Variants in TPM1 observed in about 807,000 individuals in gnomAD.
The protein encoded by TPM1 is tropomyosin alpha-1 chain.
A neutral mutation model predicts 42.9 loss-of-function variants in TPM1; 24 were observed. The observed-to-expected ratio is 0.56, with a 90% CI of 0.41 to 0.79. The LOEUF (loss-of-function observed/expected upper bound fraction) is 0.79. TPM1 is among the 30% of genes least tolerant of loss of function. The probability of loss-of-function intolerance (pLI) is 0.00; values close to 1 mark genes in which losing one functional copy is unlikely to be tolerated. For missense variants in TPM1, 158 were observed against 351.8 expected, an observed-to-expected ratio of 0.45 and a Z score of 4.41; for synonymous variants, 136 against 130.1, an observed-to-expected ratio of 1.05 and a Z score of -0.31.
chr15:63,067,571 A>T (rs2036349164), downstream of TPM1, among the ~76,000 whole-genome samples: 1 of 152,234 alleles, frequency 6.6e-6, no homozygotes, highest in Non-Finnish European at 1.5e-5. Context: ...ATCCTTCCAG[A>T]GACTTTCGCA....
intron 2 of TPM1, among the ~76,000 whole-genome samples, chr15:63,050,410 G>T (rs1010096459): frequency 2.6e-5 from 4 of 152,242 alleles, no homozygotes; most frequent in African/African-American, 9.6e-5. Context: ...TGCTAAGAAA[G>T]AGTATGTGTG....
chr15:63,057,742 T>C (rs1384298191), intron 3 of TPM1, among the ~76,000 whole-genome samples: 1 of 152,216 alleles, frequency 6.6e-6, no homozygotes. Context: ...TTTGTGGTAG[T>C]AAAGGAAAGC....
At chr15:63,069,973 T>G (rs141403692), downstream of TPM1, 1,083 of 1,613,716 alleles carry the variant, frequency 6.7e-4, 18 homozygotes, top group East Asian at 0.017. Flanking sequence ...TGGGCTGAAT[T>G]CTAGGCGTGG....
rs1452325949 is a variant in TPM1, at chr15:63,045,765, G to A, written c.240+1613G>A. ...TTGAAGGGAGCGCTGGAATGGGGTGGGGCAGAAATGGGAAAGAAGTTATTT... is the reference window on the plus strand; with the variant it reads ...TTGAAGGGAGCGCTGGAATGGGGTGAGGCAGAAATGGGAAAGAAGTTATTT... On this transcript the variant is annotated intron_variant, in intron 2 of 9. Coordinates refer to ENST00000403994, the MANE Select transcript of TPM1 (RefSeq NM_001018005.2). The A allele has an allele frequency of 2.6e-5, 4 of 152,168 alleles. No homozygotes were observed. The East Asian group carries it at 7.7e-4, about 29-fold the overall frequency. 9.4% of individuals were successfully genotyped at this position (152,168 alleles called of 1,614,324 possible).
At chr15:63,059,470 C>A in intron 3 of TPM1, 93 bp from the exon 4 acceptor site, 2 of 999,924 alleles carry the variant, frequency 2.0e-6, no homozygotes, top group Non-Finnish European at 3.1e-6. Context: ...TGGTCTACCA[C>A]TTACACTAAG....
chr15:63,066,305 T>G, downstream of TPM1: 1 of 617,080 alleles, frequency 1.6e-6, no homozygotes, highest in Non-Finnish European at 2.2e-6. Flanking sequence ...CTGCATTCCC[T>G]CTCAGAGTTC....
intron 1 of TPM1, chr15:63,043,663 C>G (rs1315783344): frequency 1.3e-6 from 2 of 1,537,264 alleles, no homozygotes; most frequent in Non-Finnish European, 8.7e-7. Flanking sequence ...GTCTAACACC[C>G]GGTCCGTGCC....
chr15:63,062,716 A>T, intron 8 of TPM1, 71 bp downstream of exon 8: 1 of 1,611,780 alleles, frequency 6.2e-7, no homozygotes, highest in Non-Finnish European at 8.5e-7. Flanking sequence ...CAATTTTCCA[A>T]TTCAAGGGCA....
chr15:63,062,740 G>T (rs1018211120), intron 8 of TPM1, 95 bp downstream of exon 8: 22 of 1,598,698 alleles, frequency 1.4e-5, no homozygotes, highest in Non-Finnish European at 1.9e-5. Context: ...ACATTGATAC[G>T]CTCCTTTGCA....
At chr15:63,065,781 C>A in intron 9 of TPM1, 115 bp from the exon 10 acceptor site, 1 of 1,403,094 alleles carries the variant, frequency 7.1e-7, no homozygotes, top group Non-Finnish European at 9.7e-7. Flanking sequence ...GTTTGCATGA[C>A]TGCTTCTTGT....
At chr15:63,067,531 T>A (rs1566974353), downstream of TPM1, among the ~76,000 whole-genome samples, 1 of 152,194 alleles carries the variant, frequency 6.6e-6, no homozygotes. Flanking sequence ...GATGTTCATG[T>A]AATTCTGGAG....
intron 9 of TPM1, 67 bp from the exon 10 acceptor site, chr15:63,065,829 C>G: frequency 2.6e-6 from 4 of 1,509,488 alleles, no homozygotes; most frequent in Non-Finnish European, 3.6e-6. Context: ...GTTTGGTTTC[C>G]TTTCTTTTTT....
intron 3 of TPM1, among the ~76,000 whole-genome samples, 195 bp downstream of exon 3, chr15:63,057,313 T>C (rs1236927275): frequency 2.0e-5 from 3 of 152,224 alleles, no homozygotes; most frequent in South Asian, 4.1e-4. Context: ...TCCAAAGCAC[T>C]GTCCTAAGCC....
At chr15:63,046,076 A>G (rs1005824412) in intron 2 of TPM1, 1 of 152,282 alleles carries the variant, frequency 6.6e-6, no homozygotes, top group Non-Finnish European at 1.5e-5. Flanking sequence ...CAAACACCAT[A>G]GAGTGTATGG....
downstream of TPM1, chr15:63,069,781 T>C: frequency 6.5e-7 from 1 of 1,545,312 alleles, no homozygotes; most frequent in Non-Finnish European, 8.9e-7. Flanking sequence ...GAGGTCTCTT[T>C]GTGTTCTCTA....
At chr15:63,071,370 A>G in exon 9 of TPM1, 1 of 561,778 alleles carries the variant, frequency 1.8e-6, no homozygotes, top group South Asian at 1.9e-5. Context: ...CAAATGTGCC[A>G]TTTCCCGGGT....
chr15:63,044,469 C>T, intron 2 of TPM1: 1 of 589,022 alleles, frequency 1.7e-6, no homozygotes, highest in Non-Finnish European at 3.0e-6. Flanking sequence ...GCAGAAAACC[C>T]TTGAGGTGTC....
At position 63,053,688 on chromosome 15, in the gene TPM1, T is replaced by G. The variant is rs556876875; in HGVS notation, c.241-3297T>G. 2.7e-4 allele frequency among the ~76,000 whole-genome samples: 22 copies of G among 81,508 alleles called. No individual in the cohort carries two copies. In the South Asian group the frequency reaches 4.6e-3, roughly 17 times the overall value. The allele number at this position is 81,508 out of a possible 152,430, so 53.5% of individuals were successfully genotyped here. A position where few individuals can be genotyped will look rare whatever the true frequency, so the allele number is the denominator to read the frequency against. The stretch of plus-strand genomic sequence containing the variant: ...TGGAAGTTTGATTTTTTTTTTTTTT[T>G]TTTTGTTTTTGAGACAAGAGTCTTG... On this transcript the variant is annotated intron_variant, in intron 2 of 9. Coordinates refer to ENST00000403994, the MANE Select transcript of TPM1 (RefSeq NM_001018005.2).
chr15:63,067,010 C>T (rs1235528068), downstream of TPM1, among the ~76,000 whole-genome samples: 2 of 151,824 alleles, frequency 1.3e-5, no homozygotes, highest in East Asian at 3.9e-4. Context: ...TAAAAAAATA[C>T]ATTGCAAAAA....
Sources: allele counts gnomAD v4.1 joint callset (sites outside exome capture counted in the v4.1 genomes callset), GRCh38; gene constraint gnomAD v4.1.1; transcripts MANE v1.5; gene names NCBI Gene and HGNC (gene_info 2026-07-23, HGNC 2026-07-21).